The following JAKMIP1 variants were observed in gnomAD, a reference collection of about 807,000 sequenced individuals.
JAKMIP1 encodes janus kinase and microtubule-interacting protein 1.
In JAKMIP1, 33 loss-of-function variants were observed where a neutral mutation model predicts 113.0. The ratio of observed to expected loss-of-function variants is 0.29; its 90% CI spans 0.22 to 0.39. The LOEUF is 0.39. Among genes scored for constraint, JAKMIP1 ranks in the 10% least tolerant of loss-of-function variants. The pLI, the probability that JAKMIP1 is intolerant of heterozygous loss-of-function variation, is 1.00. For missense variants in JAKMIP1, 813 were observed against 1,080.5 expected, an observed-to-expected ratio of 0.75 and a Z score of 3.47; for synonymous variants, 480 against 459.9, an observed-to-expected ratio of 1.04 and a Z score of -0.56.
At position 6,139,966 on chromosome 4, in the gene JAKMIP1, G is replaced by A. The variant is rs1391541723; in HGVS notation, c.-147-26969C>T. On this transcript the variant is annotated intron_variant, in intron 1 of 20. Coordinates refer to ENST00000409021, the MANE Select transcript of JAKMIP1 (RefSeq NM_001099433.2). The surrounding 1 kb of genome is among the most constrained non-coding windows in gnomAD (Gnocchi z 5.2). ...GGGGCAGAGTCCCCTCGCAGCCTCA[G>A]ATGGGGTCAACCCTGCCCACGCCTG... Among the ~76,000 whole-genome samples the A allele has an allele frequency of 6.6e-6, 1 of 152,084 alleles. No homozygotes were observed. The highest frequency in any genetic ancestry group is 1.5e-5 in the Non-Finnish European group (1 of 68,034).
Position 6,139,552 on chromosome 4 carries a change from A to G in JAKMIP1, c.-147-26555T>C, listed in dbSNP as rs1458285924. Among the ~76,000 whole-genome samples, 1 of 151,974 alleles carries G rather than the reference A, an allele frequency of 6.6e-6. No homozygotes were observed. Among genetic ancestry groups the G allele is most frequent in the Non-Finnish European group, 1.5e-5 (1 of 68,016 alleles). The stretch of plus-strand genomic sequence containing the variant: ...GGAGGCTGAGGCAGGCGGATCACAA[A>G]GTCAGGAGTTCGAGACCAACCTGGC... On this transcript the variant is annotated intron_variant, in intron 1 of 20. Coordinates refer to ENST00000409021, the MANE Select transcript of JAKMIP1 (RefSeq NM_001099433.2). The surrounding 1 kb of genome is among the most constrained non-coding windows in gnomAD (Gnocchi z 5.2).
chr4:6,057,404 G>C (rs534908147), intron 11 of JAKMIP1, among the ~76,000 whole-genome samples: 1 of 152,254 alleles, frequency 6.6e-6, no homozygotes, highest in Non-Finnish European at 1.5e-5. Context: ...CCCCTCCCAA[G>C]CACCAGGCTG....
chr4:6,108,607 C>T lies in JAKMIP1; in HGVS notation c.130-2640G>A, dbSNP rs1714358992. Among the ~76,000 whole-genome samples, 2 of 152,162 alleles carry T rather than the reference C, an allele frequency of 1.3e-5. No individual in the cohort carries two copies. Among genetic ancestry groups the T allele is most frequent in the Non-Finnish European group, 2.9e-5 (2 of 68,034 alleles). ...CCATGTCCAGGCCTGGCCACTTCCCCACTTCCCCCTTGCCCAAGCCACCTG... is the reference window on the plus strand; with the variant it reads ...CCATGTCCAGGCCTGGCCACTTCCCTACTTCCCCCTTGCCCAAGCCACCTG... On this transcript the variant is annotated intron_variant, in intron 2 of 20. Transcript: ENST00000409021. This position sits in a 1 kb window ranked among gnomAD's most constrained non-coding sequence, Gnocchi z 5.6.
rs201437096 is a variant in JAKMIP1, at chr4:6,116,689, TTAAC to T, written c.-147-3696_-147-3693del. Among the ~76,000 whole-genome samples the T allele has an allele frequency of 0.017, 2,576 of 152,288 alleles. 62 individuals carry two copies. Among genetic ancestry groups the T allele is most frequent in the African/African-American group, 0.047 (1,968 of 41,564 alleles). ...TGTGCCTTGGCAGTGCCGGTGCCCT[TTAAC>T]TGCCTACAGGAAATTAATATACCGG... On this transcript the variant is annotated intron_variant, in intron 1 of 20. Transcript: ENST00000409021. The surrounding 1 kb of genome is among the most constrained non-coding windows in gnomAD (Gnocchi z 5.1).
In JAKMIP1 at chr4:6,080,503, G is replaced by A. The variant is rs1028272063; in HGVS notation, c.1102-191C>T. On this transcript the variant is annotated intron_variant, in intron 6 of 20. Coordinates refer to ENST00000409021, the MANE Select transcript of JAKMIP1 (RefSeq NM_001099433.2). This position sits in a 1 kb window ranked among gnomAD's most constrained non-coding sequence, Gnocchi z 6.0. ...TTGAATTGCGGCTCCCAGAACTCCC[G>A]TGTGTTGTGGGAGGGGCCAGGTGGG... 3.3e-5 allele frequency among the ~76,000 whole-genome samples: 5 copies of A among 152,112 alleles called. No individual in the cohort carries two copies. The highest frequency in any genetic ancestry group is 6.5e-5 in the Admixed American group (1 of 15,274).
intron 18 of JAKMIP1, among the ~76,000 whole-genome samples, chr4:6,038,321 A>G (rs1343845227): frequency 6.8e-6 from 1 of 147,258 alleles, no homozygotes; most frequent in Non-Finnish European, 1.5e-5. Context: ...AGGTTAACCC[A>G]GTAGCCCTCC....
intron 3 of JAKMIP1, among the ~76,000 whole-genome samples, chr4:6,098,585 G>GA (rs1712298380): frequency 1.2e-5 from 1 of 85,498 alleles, no homozygotes. Flanking sequence ...AAAGAAAGAA[G>GA]GAAAGGAAGA....
chr4:6,077,238 A>G lies in JAKMIP1; in HGVS notation c.1302+1701T>C, dbSNP rs555321149. On this transcript the variant is annotated intron_variant, in intron 8 of 20. Transcript: ENST00000409021. Reference sequence around the variant, plus strand: ...GAGTAGGGTGGACTCCTAATCCAGCATGAGTGGTGGCTTTATATGTGAAGC... The same window carrying G: ...GAGTAGGGTGGACTCCTAATCCAGCGTGAGTGGTGGCTTTATATGTGAAGC... Among the ~76,000 whole-genome samples, 18 of 152,288 alleles carry G rather than the reference A, an allele frequency of 1.2e-4. No homozygotes were observed. The South Asian group carries it at 3.5e-3, about 30-fold the overall frequency.
rs199613129 is a variant in JAKMIP1 at position 6,105,731 on chromosome 4, G to A, written c.366C>T (p.Asp122=). ...CCGTCTTGACCTTGTCGGCCGCGCC[G>A]TCGCGCAGCACGTTCAGCGTGGCCT... is the stretch of plus-strand genomic sequence containing the variant. ...RLQATLNVLR[D]GAADKVKTAL... is the part of the protein sequence containing the mutation. Residue 122 remains aspartate (D), a synonymous_variant, in exon 3 of 21, where the codon GAC becomes GAT. Transcript: ENST00000409021. 1.2e-5 allele frequency: 19 copies of A among 1,601,386 alleles called. No individual in the cohort carries two copies. Among genetic ancestry groups the A allele is most frequent in the South Asian group, 7.7e-5 (7 of 90,598 alleles).
At chr4:6,166,900 C>G (rs1281043395) in intron 1 of JAKMIP1, among the ~76,000 whole-genome samples, 2 of 152,186 alleles carry the variant, frequency 1.3e-5, no homozygotes, top group African/African-American at 4.8e-5. Flanking sequence ...CACCTCCCCA[C>G]TCACCTCTTC....
rs1254154161 is a variant in JAKMIP1 at position 6,044,322 on chromosome 4, A to G, written c.2029-2095T>C. On this transcript the variant is annotated intron_variant, in intron 16 of 20. Transcript: ENST00000409021. This position sits in a 1 kb window ranked among gnomAD's most constrained non-coding sequence, Gnocchi z 4.4. ...TGCCTAATAAACTTCTGTCGAATGAAGGAGAATCAAGGCTGTGCAGGTTGG... is the reference window on the plus strand; with the variant it reads ...TGCCTAATAAACTTCTGTCGAATGAGGGAGAATCAAGGCTGTGCAGGTTGG... Among the ~76,000 whole-genome samples, 1 of 152,134 alleles carries G rather than the reference A, an allele frequency of 6.6e-6. No individual in the cohort carries two copies. The highest frequency in any genetic ancestry group is 1.5e-5 in the Non-Finnish European group (1 of 68,038).
rs1412245194 is a variant in JAKMIP1, at chr4:6,097,674, G to A, written c.624+7799C>T. On this transcript the variant is annotated intron_variant, in intron 3 of 20. Coordinates refer to ENST00000409021, the MANE Select transcript of JAKMIP1 (RefSeq NM_001099433.2). This position sits in a 1 kb window ranked among gnomAD's most constrained non-coding sequence, Gnocchi z 4.3. ...CCTTTGGAAAACTCCATAAGGATGG[G>A]GGAAGCTTTACAGATCACTTCCCCA... is the stretch of plus-strand genomic sequence containing the variant. 1.3e-5 allele frequency among the ~76,000 whole-genome samples: 2 copies of A among 152,080 alleles called. No individual in the cohort carries two copies. The highest frequency in any genetic ancestry group is 4.8e-5 in the African/African-American group (2 of 41,402).
At chr4:6,048,663 G>A (rs781071555) in intron 16 of JAKMIP1, among the ~76,000 whole-genome samples, 194 bp downstream of exon 16, 34 of 152,224 alleles carry the variant, frequency 2.2e-4, no homozygotes, top group Middle Eastern at 3.2e-3. Context: ...TTCCTCCTGC[G>A]TCTCTGGGTT....
intron 8 of JAKMIP1, among the ~76,000 whole-genome samples, chr4:6,071,499 C>T (rs1718955293): frequency 3.3e-5 from 5 of 152,246 alleles, no homozygotes; most frequent in Admixed American, 3.3e-4. Context: ...GACCAGGACT[C>T]ACCACCCTGC....
At position 6,139,546 on chromosome 4, in the gene JAKMIP1, T is replaced by C. The variant is rs1313719756; in HGVS notation, c.-147-26549A>G. On this transcript the variant is annotated intron_variant, in intron 1 of 20. Transcript: ENST00000409021. The surrounding 1 kb of genome is among the most constrained non-coding windows in gnomAD (Gnocchi z 5.2). ...ACTTTGGGAGGCTGAGGCAGGCGGATCACAAAGTCAGGAGTTCGAGACCAA... is the reference window on the plus strand; with the variant it reads ...ACTTTGGGAGGCTGAGGCAGGCGGACCACAAAGTCAGGAGTTCGAGACCAA... 2.6e-5 allele frequency among the ~76,000 whole-genome samples: 4 copies of C among 151,982 alleles called. 1 individual carries two copies. The highest frequency in any genetic ancestry group is 9.7e-5 in the African/African-American group (4 of 41,332).
rs917031759 is a variant in JAKMIP1 at position 6,031,985 on chromosome 4, G to A, written c.2380-2204C>T. Among the ~76,000 whole-genome samples the A allele has an allele frequency of 6.6e-6, 1 of 152,128 alleles. No individual in the cohort carries two copies. Among genetic ancestry groups the A allele is most frequent in the African/African-American group, 2.4e-5 (1 of 41,426 alleles). On this transcript the variant is annotated intron_variant, in intron 19 of 20. Coordinates refer to ENST00000409021, the MANE Select transcript of JAKMIP1 (RefSeq NM_001099433.2). The surrounding 1 kb of genome is among the most constrained non-coding windows in gnomAD (Gnocchi z 4.4). ...AACTGTGTGACCTCAGTCTGGTAGT[G>A]GCAGGAGTTTCCTGGCAACCCCCTC... is the stretch of plus-strand genomic sequence containing the variant.
At position 6,143,736 on chromosome 4, in the gene JAKMIP1, T is replaced by C. The variant is rs1365633990; in HGVS notation, c.-147-30739A>G. ...GTGGGGGTGGACTCAGCAGTGTGGG[T>C]TTTAACAAGTCCTCTGAGTGATTCT... On this transcript the variant is annotated intron_variant, in intron 1 of 20. Coordinates refer to ENST00000409021, the MANE Select transcript of JAKMIP1 (RefSeq NM_001099433.2). The surrounding 1 kb of genome is among the most constrained non-coding windows in gnomAD (Gnocchi z 4.9). 1.3e-5 allele frequency among the ~76,000 whole-genome samples: 2 copies of C among 152,072 alleles called. No individual in the cohort carries two copies. The highest frequency in any genetic ancestry group is 2.9e-5 in the Non-Finnish European group (2 of 68,008).
At chr4:6,121,038 A>G (rs1181111391) in intron 1 of JAKMIP1, among the ~76,000 whole-genome samples, 4 of 152,064 alleles carry the variant, frequency 2.6e-5, no homozygotes, top group African/African-American at 7.2e-5. Flanking sequence ...TGTCTCTACT[A>G]AAAATACAAA....
rs1026424914 is a variant in JAKMIP1, at chr4:6,139,457, A to G, written c.-147-26460T>C. ...AGGAGGGTGGGCCTTAACCAATATG[A>G]TGGGTGTTCCTACAAAAAGAAGAAA... On this transcript the variant is annotated intron_variant, in intron 1 of 20. Transcript: ENST00000409021. This position sits in a 1 kb window ranked among gnomAD's most constrained non-coding sequence, Gnocchi z 5.2. Among the ~76,000 whole-genome samples, 2 of 152,056 alleles carry G rather than the reference A, an allele frequency of 1.3e-5. No individual in the cohort carries two copies. Among genetic ancestry groups the G allele is most frequent in the Non-Finnish European group, 2.9e-5 (2 of 68,034 alleles).
Sources: gnomAD v4.1 joint callset for allele counts (sites outside exome capture counted in the v4.1 genomes callset) on GRCh38, gnomAD v4.1.1 for gene constraint, Gnocchi (gnomAD v3.1) non-coding constraint, MANE v1.5 for transcripts, NCBI Gene and HGNC (gene_info 2026-07-23, HGNC 2026-07-21) for gene names.